The following TCF7L1 variants were observed in gnomAD, a reference collection of about 807,000 sequenced individuals.
TCF7L1 encodes the protein transcription factor 7 like 1, also known as transcription factor 7-like 1.
In TCF7L1, 18 loss-of-function variants were observed where a neutral mutation model predicts 63.7. The ratio of observed to expected loss-of-function variants is 0.28; its 90% CI spans 0.20 to 0.42. TCF7L1 has a LOEUF of 0.42. Ranked by LOEUF, TCF7L1 falls within the 10% of genes least tolerant of loss-of-function variation. TCF7L1 has a pLI of 1.00. For missense variants in TCF7L1, 654 were observed against 779.3 expected, an observed-to-expected ratio of 0.84 and a Z score of 1.91; for synonymous variants, 355 against 340.9, an observed-to-expected ratio of 1.04 and a Z score of -0.46.
In TCF7L1 at chr2:85,304,016, C is replaced by T. The variant is rs771316071; in HGVS notation, c.761+19C>T. 9.6e-6 allele frequency: 15 copies of T among 1,558,452 alleles called. No individual in the cohort carries two copies. Among genetic ancestry groups the T allele is most frequent in the Non-Finnish European group, 1.1e-5 (13 of 1,132,326 alleles). On this transcript the variant is annotated intron_variant, in intron 6 of 11. Transcript: ENST00000282111. ...TCCCACAGTAAGGAACCCACAGCCT[C>T]TCTTCCCCCTGCTCCCTCCTTGCGC...
chr2:85,180,964 G>A (rs1399534843), intron 3 of TCF7L1, among the ~76,000 whole-genome samples: 21 of 152,188 alleles, frequency 1.4e-4, no homozygotes, highest in Admixed American at 1.4e-3. Flanking sequence ...ACAGACGGTG[G>A]CCTTCCCCTG....
intron 3 of TCF7L1, among the ~76,000 whole-genome samples, chr2:85,228,552 C>T (rs72934610): frequency 0.12 from 18,263 of 151,964 alleles, 1,837 homozygotes; most frequent in African/African-American, 0.28. Context: ...TGAAAGGGAG[C>T]GAAGAGGTGG....
chr2:85,228,942 AC>A (rs1261466231), intron 3 of TCF7L1, among the ~76,000 whole-genome samples: 1 of 147,500 alleles, frequency 6.8e-6, no homozygotes, highest in Non-Finnish European at 1.5e-5. Flanking sequence ...ATTGGCATGA[AC>A]CCAGGAGGCG....
At chr2:85,243,010 G>C (rs1213573315) in intron 3 of TCF7L1, among the ~76,000 whole-genome samples, 3 of 152,152 alleles carry the variant, frequency 2.0e-5, no homozygotes, top group African/African-American at 7.2e-5. Flanking sequence ...GCACATAGTA[G>C]TTAACAATAA....
At chr2:85,180,377 T>G (rs1449381925) in intron 3 of TCF7L1, among the ~76,000 whole-genome samples, 2 of 151,974 alleles carry the variant, frequency 1.3e-5, no homozygotes, top group East Asian at 3.9e-4. Flanking sequence ...CCCAAAGTGC[T>G]CTTTTTGTTG....
At chr2:85,254,776 T>C (rs934430466) in intron 3 of TCF7L1, among the ~76,000 whole-genome samples, 12 of 152,040 alleles carry the variant, frequency 7.9e-5, no homozygotes, top group Non-Finnish European at 2.9e-5. Flanking sequence ...GCATTAGTAC[T>C]AAGAAGAGAA....
At chr2:85,156,350 A>G (rs1678144985) in intron 3 of TCF7L1, among the ~76,000 whole-genome samples, 5 of 152,322 alleles carry the variant, frequency 3.3e-5, no homozygotes, top group African/African-American at 1.2e-4. Flanking sequence ...AGGAATGACC[A>G]CCGCAGCCTG....
At chr2:85,262,132 C>T (rs913509065) in intron 3 of TCF7L1, 29 of 545,252 alleles carry the variant, frequency 5.3e-5, no homozygotes, top group East Asian at 3.5e-4. Flanking sequence ...GAATCTCTTC[C>T]GCATCATCTA....
chr2:85,167,597 T>A (rs1678448579), intron 3 of TCF7L1, among the ~76,000 whole-genome samples: 1 of 152,136 alleles, frequency 6.6e-6, no homozygotes, highest in Non-Finnish European at 1.5e-5. Context: ...GCATGGTGGT[T>A]CATGCCTGTA....
At chr2:85,265,046 G>A (rs552136302) in intron 3 of TCF7L1, among the ~76,000 whole-genome samples, 1 of 152,244 alleles carries the variant, frequency 6.6e-6, no homozygotes, top group East Asian at 1.9e-4. Context: ...TCTAGGCAAG[G>A]ATTTAGGTAG....
At chr2:85,263,183 A>G (rs1268924312) in intron 3 of TCF7L1, among the ~76,000 whole-genome samples, 2 of 152,186 alleles carry the variant, frequency 1.3e-5, no homozygotes, top group Non-Finnish European at 2.9e-5. Context: ...AGAGAATGGA[A>G]TGATTGGCTG....
intron 11 of TCF7L1, among the ~76,000 whole-genome samples, chr2:85,308,779 T>C (rs1272784968): frequency 6.6e-6 from 1 of 152,116 alleles, no homozygotes; most frequent in Non-Finnish European, 1.5e-5. Context: ...GGTGGTCCTG[T>C]GAGACACTGA....
intron 3 of TCF7L1, among the ~76,000 whole-genome samples, chr2:85,204,570 G>T (rs1285131523): frequency 6.6e-6 from 1 of 152,050 alleles, no homozygotes; most frequent in Middle Eastern, 3.4e-3. Flanking sequence ...TTGTAGAGGC[G>T]GGGTCTTACT....
At chr2:85,303,333 C>CTTTTTT (rs1241128224) in intron 5 of TCF7L1, 2 of 151,358 alleles carry the variant, frequency 1.3e-5, no homozygotes, top group East Asian at 3.9e-4. Flanking sequence ...CCTGAACTGG[C>CTTTTTT]TTTTTTTTCT....
Position 85,133,780 on chromosome 2 carries a change from CG to C in TCF7L1, c.100del (p.Ala34ArgfsTer5). 1.5e-6 allele frequency: 2 copies of C among 1,344,598 alleles called. No individual in the cohort carries two copies. Among genetic ancestry groups the C allele is most frequent in the Admixed American group, 3.3e-5 (1 of 30,280 alleles). 83.3% of individuals were successfully genotyped at this position (1,344,598 alleles called of 1,614,324 possible). A position where few individuals can be genotyped will look rare whatever the true frequency, so the allele number is the denominator to read the frequency against. ...GGGCGGCCGGCGGAGGGGACGACCT[CG>C]GGGCGAACGACGAGCTGATCCCCTT... ...AGAAGGGDDLGANDELIPFQD... is the reference protein window; with the variant it reads ...AGAAGGGDDLXANDELIPFQD... On this transcript the variant is annotated frameshift_variant, in exon 1 of 12. Coordinates refer to ENST00000282111, the MANE Select transcript of TCF7L1 (RefSeq NM_031283.3). LOFTEE classifies it high-confidence loss of function. This position sits in a 1 kb window ranked among gnomAD's most constrained non-coding sequence, Gnocchi z 4.4.
At chr2:85,190,732 G>T (rs1679024208) in intron 3 of TCF7L1, among the ~76,000 whole-genome samples, 1 of 152,208 alleles carries the variant, frequency 6.6e-6, no homozygotes, top group Non-Finnish European at 1.5e-5. Flanking sequence ...TATTTATTGG[G>T]AACTTACTGG....
intron 3 of TCF7L1, among the ~76,000 whole-genome samples, chr2:85,238,759 G>T (rs2104321077): frequency 6.6e-6 from 1 of 151,870 alleles, no homozygotes; most frequent in South Asian, 2.1e-4. Context: ...GATGGACAGG[G>T]AACAATCTTT....
chr2:85,282,833 T>TGTGTGTGC lies in TCF7L1; in HGVS notation c.442-655_442-654insCGTGTGTG, dbSNP rs1198912310. Among the ~76,000 whole-genome samples, 7 of 150,378 alleles carry TGTGTGTGC rather than the reference T, an allele frequency of 4.7e-5. No individual in the cohort carries two copies. The East Asian group carries it at 1.2e-3, about 25-fold the overall frequency. On this transcript the variant is annotated intron_variant, in intron 3 of 11. Coordinates refer to ENST00000282111, the MANE Select transcript of TCF7L1 (RefSeq NM_031283.3). ...GTGTGTGTGTGTGTGTGTGTGTGTG[T>TGTGTGTGC]GTGTGTGTGTTGGGGAAGTACTGTT...
chr2:85,229,933 G>A (rs1013418129), intron 3 of TCF7L1, among the ~76,000 whole-genome samples: 1 of 152,156 alleles, frequency 6.6e-6, no homozygotes, highest in South Asian at 2.1e-4. Context: ...GCTTGAACCT[G>A]GGAGGTCAAG....
Sources: allele counts gnomAD v4.1 joint callset (sites outside exome capture counted in the v4.1 genomes callset), GRCh38; gene constraint gnomAD v4.1.1; non-coding constraint Gnocchi (gnomAD v3.1); transcripts MANE v1.5; gene names NCBI Gene and HGNC (gene_info 2026-07-23, HGNC 2026-07-21).